SYNDIG1: variants seen among roughly 807,000 people sequenced by gnomAD.
SYNDIG1 encodes the protein synapse differentiation-inducing gene protein 1.
A neutral mutation model predicts 19.4 loss-of-function variants in SYNDIG1; 9 were observed. The ratio of observed to expected loss-of-function variants is 0.46; its 90% CI spans 0.28 to 0.81. SYNDIG1 has a LOEUF of 0.81. Ranked by LOEUF, SYNDIG1 falls within the 30% of genes least tolerant of loss-of-function variation. The pLI is 0.12. For missense variants in SYNDIG1, 311 were observed against 343.3 expected (o/e 0.91, Z 0.74); for synonymous variants, 141 against 145.9 (o/e 0.97, Z 0.24).
At chr20:24,627,408 C>A (rs2147272265) in intron 3 of SYNDIG1, among the ~76,000 whole-genome samples, 1 of 152,238 alleles carries the variant, frequency 6.6e-6, no homozygotes, top group South Asian at 2.1e-4. Context: ...CTGTTGATGC[C>A]TGGGCCCTTC....
chr20:24,617,928 CCGGGGAG>C, intron 3 of SYNDIG1, among the ~76,000 whole-genome samples: 1 of 128,646 alleles, frequency 7.8e-6, no homozygotes, highest in Non-Finnish European at 1.6e-5. Flanking sequence ...GCGGGAGAGC[CCGGGGAG>C]TGGGGAGAGC....
chr20:24,547,988 C>T (rs1474603572), intron 2 of SYNDIG1, among the ~76,000 whole-genome samples: 1 of 152,156 alleles, frequency 6.6e-6, no homozygotes, highest in Non-Finnish European at 1.5e-5. Flanking sequence ...AAGCGGTGCC[C>T]ATGGGGGCTG....
chr20:24,598,930 C>T (rs923033409), intron 3 of SYNDIG1, among the ~76,000 whole-genome samples: 5 of 151,910 alleles, frequency 3.3e-5, no homozygotes, highest in Admixed American at 6.6e-5. Flanking sequence ...TTGGTCTAGG[C>T]GAAAGATTAA....
At chr20:24,614,270 C>T (rs2058894997) in intron 3 of SYNDIG1, among the ~76,000 whole-genome samples, 1 of 152,210 alleles carries the variant, frequency 6.6e-6, no homozygotes, top group Non-Finnish European at 1.5e-5. Context: ...TCCCAAATTG[C>T]TGGGATTACA....
At chr20:24,470,918 G>A (rs2055420656) in intron 1 of SYNDIG1, among the ~76,000 whole-genome samples, 1 of 151,766 alleles carries the variant, frequency 6.6e-6, no homozygotes, top group Non-Finnish European at 1.5e-5. Context: ...CCACGTCCTG[G>A]TGTTTAGTGC....
At chr20:24,662,288 T>A (rs114230147) in intron 3 of SYNDIG1, among the ~76,000 whole-genome samples, 296 of 152,116 alleles carry the variant, frequency 1.9e-3, no homozygotes, top group African/African-American at 7.0e-3. Context: ...GTCATTGCTA[T>A]GGCGCAAGTT....
intron 2 of SYNDIG1, among the ~76,000 whole-genome samples, chr20:24,575,678 TTTTCTTCTAA>T (rs1450329373): frequency 4.1e-4 from 63 of 152,316 alleles, no homozygotes; most frequent in African/African-American, 1.4e-3. Context: ...AACTGGATTA[TTTTCTTCTAA>T]AAATACCTCC....
At chr20:24,480,033 G>A (rs1463506804) in intron 1 of SYNDIG1, among the ~76,000 whole-genome samples, 1 of 152,080 alleles carries the variant, frequency 6.6e-6, no homozygotes, top group Non-Finnish European at 1.5e-5. Context: ...ACATTACATA[G>A]TCCCACACCT....
At chr20:24,632,503 G>A (rs923895594) in intron 3 of SYNDIG1, among the ~76,000 whole-genome samples, 8 of 152,170 alleles carry the variant, frequency 5.3e-5, no homozygotes, top group African/African-American at 1.9e-4. Context: ...GCCTCCCAAA[G>A]TGCTGGGATT....
At chr20:24,601,496 G>A (rs1433499723) in intron 3 of SYNDIG1, among the ~76,000 whole-genome samples, 4 of 152,074 alleles carry the variant, frequency 2.6e-5, no homozygotes, top group Non-Finnish European at 5.9e-5. Flanking sequence ...TCTCTGATTA[G>A]GCTTTCTGTT....
intron 2 of SYNDIG1, among the ~76,000 whole-genome samples, chr20:24,554,506 T>C (rs923641816): frequency 4.6e-5 from 7 of 152,244 alleles, no homozygotes; most frequent in Non-Finnish European, 1.0e-4. Context: ...TGAGTGTTTT[T>C]AGCATGAAGG....
At chr20:24,478,603 C>A (rs1388284207) in intron 1 of SYNDIG1, among the ~76,000 whole-genome samples, 2 of 152,230 alleles carry the variant, frequency 1.3e-5, no homozygotes, top group African/African-American at 4.8e-5. Flanking sequence ...TGACAGACCC[C>A]ATGCACCGTA....
chr20:24,649,844 CAGAT>C (rs1475240519), intron 3 of SYNDIG1, among the ~76,000 whole-genome samples: 2 of 152,226 alleles, frequency 1.3e-5, no homozygotes, highest in Non-Finnish European at 2.9e-5. Context: ...TCATATTTCA[CAGAT>C]AAACACCAGT....
chr20:24,654,067 C>T (rs1239705965), intron 3 of SYNDIG1, among the ~76,000 whole-genome samples: 1 of 152,148 alleles, frequency 6.6e-6, no homozygotes, highest in African/African-American at 2.4e-5. Flanking sequence ...GACCAATGTA[C>T]AATGTATGCT....
intron 3 of SYNDIG1, among the ~76,000 whole-genome samples, chr20:24,595,998 C>A (rs781133931): frequency 2.6e-5 from 4 of 152,114 alleles, no homozygotes; most frequent in Non-Finnish European, 4.4e-5. Flanking sequence ...CTTCTGCTAG[C>A]TTTGGGGTTG....
chr20:24,601,559 C>T (rs543105150), intron 3 of SYNDIG1, among the ~76,000 whole-genome samples: 36 of 151,992 alleles, frequency 2.4e-4, no homozygotes, highest in Non-Finnish European at 4.7e-4. Flanking sequence ...TTGTCAGTTT[C>T]ATCAAAATAA....
intron 1 of SYNDIG1, among the ~76,000 whole-genome samples, chr20:24,515,221 G>A (rs1345532923): frequency 3.9e-5 from 6 of 152,184 alleles, no homozygotes; most frequent in South Asian, 2.1e-4. Context: ...AAGAACTAGA[G>A]AAGCAAGAGC....
intron 1 of SYNDIG1, among the ~76,000 whole-genome samples, chr20:24,515,374 A>G (rs1568601754): frequency 6.6e-6 from 1 of 152,228 alleles, no homozygotes; most frequent in African/African-American, 2.4e-5. Context: ...AGCATATTCA[A>G]TTAGGAAAAG....
At chr20:24,576,756 C>T (rs1207688168) in intron 2 of SYNDIG1, among the ~76,000 whole-genome samples, 6 of 152,080 alleles carry the variant, frequency 3.9e-5, no homozygotes, top group Non-Finnish European at 7.4e-5. Context: ...CAGGCCCTGA[C>T]GCCTCCATGG....
Sources: gnomAD v4.1 joint callset for allele counts (sites outside exome capture counted in the v4.1 genomes callset) on GRCh38, gnomAD v4.1.1 for gene constraint, MANE v1.5 for transcripts, NCBI Gene and HGNC (gene_info 2026-07-23, HGNC 2026-07-21) for gene names.